Variants in TNIP3 observed in about 807,000 individuals in gnomAD.
TNIP3 encodes the protein TNFAIP3 interacting protein 3.
In TNIP3, 34 loss-of-function variants were observed where a neutral mutation model predicts 54.1. The ratio of observed to expected loss-of-function variants is 0.63; its 90% CI spans 0.48 to 0.84. The LOEUF (loss-of-function observed/expected upper bound fraction) is 0.84, where lower values mean the gene tolerates loss of function less well. Among genes scored for constraint, TNIP3 ranks in the 40% least tolerant of loss-of-function variants. The probability of loss-of-function intolerance (pLI) is 0.00; values close to 1 mark genes in which losing one functional copy is unlikely to be tolerated. For synonymous variants in TNIP3, 134 were observed against 136.8 expected (o/e 0.98, Z 0.14); for missense variants, 366 against 387.6 (o/e 0.94, Z 0.47).
chr4:121,161,330 A>G, intron 1 of TNIP3, 114 bp from the exon 2 acceptor site: 1 of 815,224 alleles, frequency 1.2e-6, no homozygotes, highest in Middle Eastern at 2.3e-4. Flanking sequence ...CGATTTAAAA[A>G]ATACCTGATT....
Position 121,164,200 on chromosome 4 carries a change from G to A in TNIP3, c.-75C>T, listed in dbSNP as rs1218293243. The A allele has an allele frequency of 1.2e-6, 2 of 1,605,402 alleles. No homozygotes were observed. Among genetic ancestry groups the A allele is most frequent in the Admixed American group, 3.4e-5 (2 of 59,002 alleles). The stretch of plus-strand genomic sequence containing the variant: ...AAAGTCTCTTAAGGTATATTTTAGG[G>A]TGAGAGCAAGTATACAAAATTTAAA... On this transcript the variant is annotated 5_prime_UTR_variant, in exon 1 of 11. Coordinates refer to ENST00000057513, the MANE Select transcript of TNIP3 (RefSeq NM_024873.6).
At chr4:121,172,788 G>A (rs973848452) in intron 3 of TNIP3, among the ~76,000 whole-genome samples, 6 of 152,074 alleles carry the variant, frequency 3.9e-5, no homozygotes, top group Admixed American at 2.0e-4. Context: ...AATATAAATT[G>A]CCTGAGAAAA....
intron 4 of TNIP3, among the ~76,000 whole-genome samples, 173 bp from the exon 5 acceptor site, chr4:121,154,852 T>A (rs1302198016): frequency 1.3e-5 from 2 of 152,160 alleles, no homozygotes; most frequent in African/African-American, 4.8e-5. Context: ...TGAGCAATAT[T>A]CTTTGGATGC....
rs528830501 is a variant in TNIP3, at chr4:121,202,090, C to T, written c.68+14325G>A. 1.2e-4 allele frequency among the ~76,000 whole-genome samples: 18 copies of T among 152,048 alleles called. No individual in the cohort carries two copies. In the South Asian group the frequency reaches 3.8e-3, roughly 32 times the overall value. ...ATTCATATGGAACCAAAAAAAGAGC[C>T]CACACAGCCAAAGTAAAACTAAACA... On this transcript the variant is annotated intron_variant, in intron 2 of 12. Coordinates refer to the TNIP3 transcript ENST00000507879.
At chr4:121,135,620 A>G (rs1728735702) in intron 10 of TNIP3, among the ~76,000 whole-genome samples, 1 of 152,062 alleles carries the variant, frequency 6.6e-6, no homozygotes, top group South Asian at 2.1e-4. Context: ...GCTGGGCTTG[A>G]ACTCCTAGGC....
At chr4:121,153,069 G>T (rs1355244292) in intron 5 of TNIP3, among the ~76,000 whole-genome samples, 1 of 152,194 alleles carries the variant, frequency 6.6e-6, no homozygotes, top group African/African-American at 2.4e-5. Context: ...AGCCAGAAAA[G>T]TCATCTTTGA....
intron 2 of TNIP3, among the ~76,000 whole-genome samples, chr4:121,199,232 T>C (rs1196661911): frequency 6.6e-6 from 1 of 152,154 alleles, no homozygotes; most frequent in Non-Finnish European, 1.5e-5. Context: ...ATGGTGGCGA[T>C]ACAACTTCAG....
Position 121,157,260 on chromosome 4 carries a change from A to C in TNIP3, c.214-17T>G, listed in dbSNP as rs17051299. The C allele has an allele frequency of 0.027, 43,506 of 1,613,932 alleles. 720 individuals are homozygous for C. Among genetic ancestry groups the C allele is most frequent in the Admixed American group, 0.051 (3,042 of 59,992 alleles). On this transcript the variant is annotated splice_polypyrimidine_tract_variant and intron_variant, in intron 3 of 10. Transcript: ENST00000057513. ...CTCTGCTACCTGAGGAGGTCGTTCA[A>C]AGACAGCTGCAGATACCTTCTCTGA...
At chr4:121,181,604 G>A (rs1352782899) in intron 3 of TNIP3, among the ~76,000 whole-genome samples, 1 of 148,066 alleles carries the variant, frequency 6.8e-6, no homozygotes, top group African/African-American at 2.5e-5. Flanking sequence ...ATTAAGTGAA[G>A]AGGGTAAGTT....
intron 2 of TNIP3, among the ~76,000 whole-genome samples, chr4:121,183,712 G>A (rs1433830401): frequency 6.6e-6 from 1 of 151,970 alleles, no homozygotes; most frequent in Non-Finnish European, 1.5e-5. Flanking sequence ...ACATGTGAGG[G>A]GTCTAGGTTG....
intron 1 of TNIP3, among the ~76,000 whole-genome samples, chr4:121,225,613 A>AG (rs1727224401): frequency 6.6e-6 from 1 of 152,250 alleles, no homozygotes. Flanking sequence ...GATCTTAACA[A>AG]GAAAGCAGTG....
intron 3 of TNIP3, among the ~76,000 whole-genome samples, chr4:121,174,697 C>CT (rs570023211): frequency 6.6e-5 from 10 of 151,760 alleles, no homozygotes; most frequent in East Asian, 5.8e-4. Flanking sequence ...AATAATTGAT[C>CT]TTTTTTTTGC....
intron 10 of TNIP3, among the ~76,000 whole-genome samples, chr4:121,134,317 T>G (rs1728649484): frequency 6.6e-6 from 1 of 152,190 alleles, no homozygotes; most frequent in Non-Finnish European, 1.5e-5. Context: ...AACCATAGCT[T>G]TTTGACATTT....
chr4:121,196,123 C>T (rs772204525), intron 2 of TNIP3, among the ~76,000 whole-genome samples: 2 of 152,176 alleles, frequency 1.3e-5, no homozygotes, highest in Non-Finnish European at 2.9e-5. Flanking sequence ...AACTGAGACT[C>T]ACAGAGATTA....
intron 10 of TNIP3, among the ~76,000 whole-genome samples, chr4:121,135,196 T>C (rs1560631579): frequency 6.6e-6 from 1 of 152,216 alleles, no homozygotes; most frequent in Non-Finnish European, 1.5e-5. Context: ...TGTATGTTTA[T>C]CAAGGTAGGA....
intron 4 of TNIP3, among the ~76,000 whole-genome samples, chr4:121,155,773 C>A (rs971955063): frequency 5.3e-5 from 8 of 152,128 alleles, no homozygotes; most frequent in African/African-American, 1.9e-4. Context: ...GGTAACTTGA[C>A]ATGCAAAAAT....
chr4:121,171,053 T>A (rs185219245), intron 3 of TNIP3, among the ~76,000 whole-genome samples: 59 of 152,238 alleles, frequency 3.9e-4, no homozygotes, highest in Non-Finnish European at 7.1e-4. Context: ...TGACCTCAGG[T>A]GATCTGCCCA....
At chr4:121,150,587 T>C (rs1392839052) in intron 5 of TNIP3, among the ~76,000 whole-genome samples, 2 of 152,180 alleles carry the variant, frequency 1.3e-5, no homozygotes, top group African/African-American at 4.8e-5. Flanking sequence ...TTAGGGAAAA[T>C]CAGAGGCAGC....
chr4:121,147,908 T>C (rs1729524901), intron 6 of TNIP3, among the ~76,000 whole-genome samples: 1 of 152,184 alleles, frequency 6.6e-6, no homozygotes, highest in African/African-American at 2.4e-5. Context: ...TCGACAGCAA[T>C]AGAACAAAAT....
Sources: allele counts gnomAD v4.1 joint callset (sites outside exome capture counted in the v4.1 genomes callset), GRCh38; gene constraint gnomAD v4.1.1; transcripts MANE v1.5; gene names NCBI Gene and HGNC (gene_info 2026-07-23, HGNC 2026-07-21).